The following SLC22A24 variants were observed in gnomAD, a reference collection of about 807,000 sequenced individuals.
SLC22A24 encodes the protein solute carrier family 22 member 24.
Under a neutral mutation model 49.8 loss-of-function variants are expected in SLC22A24, and 53 were observed. The observed-to-expected ratio is 1.06, with a 90% CI of 0.85 to 1.34. The LOEUF (loss-of-function observed/expected upper bound fraction) is 1.34, where lower values mean the gene tolerates loss of function less well. Among genes scored for constraint, SLC22A24 ranks in the 40% most tolerant of loss-of-function variants. SLC22A24 has a pLI of 0.00. For missense variants in SLC22A24, 786 were observed against 675.9 expected (o/e 1.16, Z -1.81); for synonymous variants, 302 against 256.4 (o/e 1.18, Z -1.70).
At chr11:63,122,384 T>A (rs1448000085) in intron 2 of SLC22A24, among the ~76,000 whole-genome samples, 1 of 152,198 alleles carries the variant, frequency 6.6e-6, no homozygotes, top group East Asian at 1.9e-4. Flanking sequence ...AAAACATCAA[T>A]GAGGATTATC....
At chr11:63,130,237 G>A (rs2087324011) in intron 2 of SLC22A24, among the ~76,000 whole-genome samples, 1 of 152,188 alleles carries the variant, frequency 6.6e-6, no homozygotes, top group Admixed American at 6.5e-5. Flanking sequence ...AGATAATCAT[G>A]TGGTTTTTGT....
At chr11:63,134,573 G>A (rs147051754) in intron 2 of SLC22A24, 92 bp downstream of exon 2, 7 of 756,756 alleles carry the variant, frequency 9.3e-6, no homozygotes, top group African/African-American at 3.5e-5. Context: ...ACAATGCAAA[G>A]TATACAGTAA....
intron 2 of SLC22A24, among the ~76,000 whole-genome samples, chr11:63,120,896 T>C (rs1394465634): frequency 6.6e-6 from 1 of 152,100 alleles, no homozygotes; most frequent in Non-Finnish European, 1.5e-5. Context: ...CAGGACATGA[T>C]GGAGAAGGAA....
intron 6 of SLC22A24, among the ~76,000 whole-genome samples, chr11:63,090,947 A>C (rs2087016825): frequency 6.6e-6 from 1 of 152,140 alleles, no homozygotes; most frequent in Non-Finnish European, 1.5e-5. Context: ...GTAGAGTTGA[A>C]GGAGATAGAG....
At chr11:63,104,637 C>T (rs1208032070) in intron 4 of SLC22A24, among the ~76,000 whole-genome samples, 4 of 152,072 alleles carry the variant, frequency 2.6e-5, no homozygotes, top group Non-Finnish European at 5.9e-5. Flanking sequence ...ATCATGGTGG[C>T]ATGTCTTACC....
chr11:63,131,019 C>A (rs2087331019), intron 2 of SLC22A24, among the ~76,000 whole-genome samples: 2 of 151,648 alleles, frequency 1.3e-5, no homozygotes, highest in South Asian at 4.2e-4. Flanking sequence ...ATCCCTTTAC[C>A]ATTATATAGT....
At chr11:63,132,962 C>G (rs1418710335) in intron 2 of SLC22A24, among the ~76,000 whole-genome samples, 2 of 152,174 alleles carry the variant, frequency 1.3e-5, no homozygotes, top group East Asian at 3.9e-4. Context: ...GGGCTCTGCC[C>G]AGTTCGAACT....
At chr11:63,120,762 T>A (rs1018392210) in intron 2 of SLC22A24, among the ~76,000 whole-genome samples, 2 of 152,138 alleles carry the variant, frequency 1.3e-5, no homozygotes, top group Admixed American at 6.5e-5. Flanking sequence ...TAGTAGTATA[T>A]TTATGTCATG....
Position 63,081,048 on chromosome 11 carries a change from C to T in SLC22A24, c.1470G>A (p.Met490Ile), listed in dbSNP as rs1488245689. Residue 490 changes from methionine (M) to isoleucine (I), a missense_variant, in exon 9 of 10, where the codon ATG becomes ATA. By Grantham distance (10) the Met-to-Ile change is conservative (BLOSUM62 1). Coordinates refer to ENST00000612278, the MANE Select transcript of SLC22A24 (RefSeq NM_001136506.2). ...AALAPLLMTLMAYSPHLPWIS... is the reference protein window; with the variant it reads ...AALAPLLMTLIAYSPHLPWIS... Reference sequence around the variant, plus strand: ...TCCAGGGTAGGTGGGGAGAATACGCCATTAAGGTCATCAACAGAGGAGCCA... The same window carrying T: ...TCCAGGGTAGGTGGGGAGAATACGCTATTAAGGTCATCAACAGAGGAGCCA... The T allele has an allele frequency of 1.3e-6, 2 of 1,551,550 alleles. No homozygotes were observed. The highest frequency in any genetic ancestry group is 2.7e-5 in the African/African-American group (2 of 73,050).
intron 9 of SLC22A24, among the ~76,000 whole-genome samples, chr11:63,080,360 C>A (rs1396195504): frequency 6.6e-6 from 1 of 152,156 alleles, no homozygotes; most frequent in Non-Finnish European, 1.5e-5. Flanking sequence ...TTCTGTTGCC[C>A]ATGGCAACAA....
intron 4 of SLC22A24, among the ~76,000 whole-genome samples, chr11:63,117,589 T>A (rs917916591): frequency 6.6e-6 from 1 of 152,136 alleles, no homozygotes; most frequent in Non-Finnish European, 1.5e-5. Context: ...TTCTTTCCTC[T>A]CCTCAGCCTA....
chr11:63,133,274 G>A (rs897497822), intron 2 of SLC22A24, among the ~76,000 whole-genome samples: 2 of 152,226 alleles, frequency 1.3e-5, no homozygotes, highest in Non-Finnish European at 2.9e-5. Context: ...CTTCCTGGGT[G>A]AGGCGGCACC....
intron 5 of SLC22A24, among the ~76,000 whole-genome samples, chr11:63,102,874 A>G (rs1346266082): frequency 6.6e-6 from 1 of 152,096 alleles, no homozygotes; most frequent in Non-Finnish European, 1.5e-5. Context: ...CATTTTGATC[A>G]GGAATATCTG....
At chr11:63,119,853 G>A (rs889093715) in intron 2 of SLC22A24, among the ~76,000 whole-genome samples, 1 of 152,154 alleles carries the variant, frequency 6.6e-6, no homozygotes, top group African/African-American at 2.4e-5. Context: ...CTTGGGAAAT[G>A]TGTTTCAGCT....
chr11:63,143,474 G>A lies in SLC22A24; in HGVS notation c.306C>T (p.Asn102=), dbSNP rs752763366. The change falls in exon 1 of 10, where the codon AAC becomes AAT. Residue 102 remains asparagine (N), a synonymous_variant. Coordinates refer to ENST00000612278, the MANE Select transcript of SLC22A24 (RefSeq NM_001136506.2). ...GCTCATTTGTGTTGGGGAAGGTCCC[G>A]TTCAGGTGAAGGAGCTGCCACTGGG... is the stretch of plus-strand genomic sequence containing the variant. The part of the protein sequence containing the change: ...IHPQWQLLHL[N]GTFPNTNEPD... The A allele has an allele frequency of 4.7e-5, 75 of 1,599,230 alleles. No individual in the cohort carries two copies. The highest frequency in any genetic ancestry group is 9.0e-5 in the South Asian group (8 of 88,644).
chr11:63,113,089 TAC>T (rs1555048872), intron 4 of SLC22A24, among the ~76,000 whole-genome samples: 520 of 2,654 alleles, frequency 0.2, 194 homozygotes, highest in Non-Finnish European at 0.45. Flanking sequence ...CACATATATA[TAC>T]ATATATATAT....
At chr11:63,115,664 G>A (rs992026141) in intron 4 of SLC22A24, among the ~76,000 whole-genome samples, 1 of 152,196 alleles carries the variant, frequency 6.6e-6, no homozygotes, top group Non-Finnish European at 1.5e-5. Context: ...ACTGGGATCT[G>A]CAGACCAGAG....
intron 4 of SLC22A24, among the ~76,000 whole-genome samples, chr11:63,107,479 G>A (rs2087129320): frequency 6.6e-6 from 1 of 152,120 alleles, no homozygotes; most frequent in Admixed American, 6.5e-5. Flanking sequence ...AAAGTCATTG[G>A]TAGCTTGATG....
intron 2 of SLC22A24, among the ~76,000 whole-genome samples, chr11:63,127,947 T>C (rs2087304227): frequency 6.6e-6 from 1 of 152,044 alleles, no homozygotes; most frequent in East Asian, 1.9e-4. Context: ...TTACTTTTGC[T>C]GTGCAGAAGC....
Sources: allele counts gnomAD v4.1 joint callset (sites outside exome capture counted in the v4.1 genomes callset), GRCh38; gene constraint gnomAD v4.1.1; transcripts MANE v1.5; gene names NCBI Gene and HGNC (gene_info 2026-07-23, HGNC 2026-07-21).